The following RNF215 variants were observed in gnomAD, a reference collection of about 807,000 sequenced individuals.
RNF215 encodes ring finger protein 215.
In RNF215, 41 loss-of-function variants were observed where a neutral mutation model predicts 44.8. The ratio of observed to expected loss-of-function variants is 0.92; its 90% CI spans 0.71 to 1.19. The LOEUF is 1.19. Among genes scored for constraint, RNF215 ranks in the 50% most tolerant of loss-of-function variants. RNF215 has a pLI of 0.00. For synonymous variants in RNF215, 218 were observed against 230.1 expected, an observed-to-expected ratio of 0.95 and a Z score of 0.48; for missense variants, 452 against 496.2, an observed-to-expected ratio of 0.91 and a Z score of 0.85.
rs532579299 is a variant in RNF215 at position 30,386,822 on chromosome 22, A to T, written c.286-63T>A. Reference sequence around the variant, plus strand: ...TGTGGTGGGGGAGGGAGCCGGGGTCATCACAGTGGATGCCAAGGCCAGAGT... The same window carrying T: ...TGTGGTGGGGGAGGGAGCCGGGGTCTTCACAGTGGATGCCAAGGCCAGAGT... On this transcript the variant is annotated intron_variant, in intron 1 of 8. Transcript: ENST00000382363. The T allele has an allele frequency of 1.4e-4, 210 of 1,549,444 alleles. No homozygotes were observed. The Middle Eastern group carries it at 2.3e-3, about 17-fold the overall frequency.
chr22:30,384,172 C>T (rs148224423), intron 5 of RNF215, among the ~76,000 whole-genome samples, 167 bp downstream of exon 5: 7 of 152,314 alleles, frequency 4.6e-5, no homozygotes, highest in African/African-American at 7.2e-5. Flanking sequence ...CCCAACTGAG[C>T]GCCCACCTAC....
Position 30,385,947 on chromosome 22 carries a change from G to A in RNF215, c.544C>T (p.His182Tyr). Residue 182 changes from histidine (H) to tyrosine (Y), a missense_variant, in exon 4 of 9, where the codon CAT (histidine) becomes TAT (tyrosine). Coordinates refer to ENST00000382363, the MANE Select transcript of RNF215 (RefSeq NM_001017981.2). ...QLLLRPVIVL[H>Y]YSSNVTKLLD... ...AGCTTGGTGACATTGGAGGAATAATGGAGGACGATCACTGGCCTGAGCAGA... is the reference window on the plus strand; with the variant it reads ...AGCTTGGTGACATTGGAGGAATAATAGAGGACGATCACTGGCCTGAGCAGA... 6.2e-7 allele frequency: 1 copy of A among 1,614,192 alleles called. No homozygotes were observed.
At chr22:30,384,836 G>A in intron 4 of RNF215, 2 of 191,026 alleles carry the variant, frequency 1.0e-5, no homozygotes, top group Non-Finnish European at 2.2e-5. Flanking sequence ...TTTTGAGACA[G>A]GGTCTCCCTT....
chr22:30,387,152 C>CCGCCCCGCCCCGGCCGCCGGCT lies in RNF215; in HGVS notation c.140_161dup (p.Gly55AlafsTer82), dbSNP rs1313565111. 3 of 1,229,062 alleles carry CCGCCCCGCCCCGGCCGCCGGCT rather than the reference C, an allele frequency of 2.4e-6. No individual in the cohort carries two copies. Among genetic ancestry groups the CCGCCCCGCCCCGGCCGCCGGCT allele is most frequent in the Non-Finnish European group, 3.0e-6 (3 of 985,440 alleles). 76.1% of individuals were successfully genotyped at this position (1,229,062 alleles called of 1,614,324 possible). A position where few individuals can be genotyped will look rare whatever the true frequency, so the allele number is the denominator to read the frequency against. ...CCACCCGCACGGCGCGGGCTCCGCC[C>CCGCCCCGCCCCGGCCGCCGGCT]CGCCCCGCCCCGGCCGCCGGCTCGC... is the stretch of plus-strand genomic sequence containing the variant. On this transcript the variant is annotated frameshift_variant, in exon 1 of 9. Coordinates refer to ENST00000382363, the MANE Select transcript of RNF215 (RefSeq NM_001017981.2). LOFTEE classifies it high-confidence loss of function.
At chr22:30,381,306 T>C (rs1933526767) in intron 5 of RNF215, among the ~76,000 whole-genome samples, 2 of 152,070 alleles carry the variant, frequency 1.3e-5, no homozygotes, top group South Asian at 4.1e-4. Flanking sequence ...ACCCAGTACC[T>C]CCCACCATCT....
intron 5 of RNF215, among the ~76,000 whole-genome samples, 155 bp downstream of exon 5, chr22:30,384,184 C>T (rs1180262541): frequency 6.6e-6 from 1 of 152,196 alleles, no homozygotes; most frequent in Non-Finnish European, 1.5e-5. Context: ...CCCACCTACA[C>T]CATGTCTCTG....
At position 30,379,710 on chromosome 22, in the gene RNF215, C is replaced by A. The variant is rs749626884; in HGVS notation, c.1111+1G>T. ...CGAGGGACCCCACCCCTGGTGCTCA[C>A]CCAGGACGTTGAATTTGCACAGTGG... On this transcript the variant is annotated splice_donor_variant, in intron 8 of 8. Coordinates refer to ENST00000382363, the MANE Select transcript of RNF215 (RefSeq NM_001017981.2). LOFTEE classifies it high-confidence loss of function. The A allele has an allele frequency of 4.5e-6, 7 of 1,556,240 alleles. No homozygotes were observed. Among genetic ancestry groups the A allele is most frequent in the Non-Finnish European group, 5.2e-6 (6 of 1,149,778 alleles).
At chr22:30,385,796 A>T (rs2145987001) in intron 4 of RNF215, 108 bp downstream of exon 4, 2 of 981,060 alleles carry the variant, frequency 2.0e-6, no homozygotes, top group African/African-American at 3.3e-5. Context: ...AAAAAAAAAA[A>T]AAAAGGCTAA....
Position 30,384,513 on chromosome 22 carries a change from C to G in RNF215, c.588-18G>C. On this transcript the variant is annotated intron_variant, in intron 4 of 8. Transcript: ENST00000382363. Reference sequence around the variant, plus strand: ...GGGTCCTCCTGGGAGGGGAAGTCACCGGGGCCAGATGGAAGGACTCTTGGG... The same window carrying G: ...GGGTCCTCCTGGGAGGGGAAGTCACGGGGGCCAGATGGAAGGACTCTTGGG... 1 of 1,610,084 alleles carries G rather than the reference C, an allele frequency of 6.2e-7. No individual in the cohort carries two copies. Among genetic ancestry groups the G allele is most frequent in the Non-Finnish European group, 8.5e-7 (1 of 1,177,426 alleles).
chr22:30,379,765 CCA>C lies in RNF215; in HGVS notation c.1055_1056del (p.Val352GlyfsTer25), dbSNP rs1402969707. 2.5e-6 allele frequency: 4 copies of C among 1,570,152 alleles called. No individual in the cohort carries two copies. Among genetic ancestry groups the C allele is most frequent in the South Asian group, 1.2e-5 (1 of 85,400 alleles). ...PCKHEFHRDCVDPWLMLQQTC... is the reference protein window; with the variant it reads ...PCKHEFHRDCXDPWLMLQQTC... ...GTCTGCTGGAGCATCAGCCAGGGGT[CCA>C]CACAGTCTCGGTGAAACTCGTGCTT... On this transcript the variant is annotated frameshift_variant, in exon 8 of 9. Coordinates refer to ENST00000382363, the MANE Select transcript of RNF215 (RefSeq NM_001017981.2). LOFTEE classifies it high-confidence loss of function.
chr22:30,385,906 C>T lies in RNF215; in HGVS notation c.585G>A (p.Leu195=). The T allele has an allele frequency of 6.2e-7, 1 of 1,613,938 alleles. No homozygotes were observed. The part of the protein sequence containing the change: ...SNVTKLLDAL[L]QRTQATAEIT... Reference sequence around the variant, plus strand: ...TTGAAGTCTAAATACCAACTCACTGCAGCAATGCATCCAACAGCTTGGTGA... The same window carrying T: ...TTGAAGTCTAAATACCAACTCACTGTAGCAATGCATCCAACAGCTTGGTGA... Residue 195 remains leucine (L), a splice_region_variant and synonymous_variant, in exon 4 of 9, where the codon CTG becomes CTA. Coordinates refer to ENST00000382363, the MANE Select transcript of RNF215 (RefSeq NM_001017981.2).
chr22:30,383,000 A>G (rs5753110), intron 5 of RNF215, among the ~76,000 whole-genome samples: 30,729 of 151,968 alleles, frequency 0.2, 3,366 homozygotes, highest in Middle Eastern at 0.36. Flanking sequence ...TACTTGGGGG[A>G]CTGAGGTGGC....
At chr22:30,382,793 T>C (rs1312978007) in intron 5 of RNF215, among the ~76,000 whole-genome samples, 1 of 151,938 alleles carries the variant, frequency 6.6e-6, no homozygotes, top group African/African-American at 2.4e-5. Context: ...GAGCTTGCCA[T>C]CAGAGCAGTA....
chr22:30,381,383 G>A (rs1266708851), intron 5 of RNF215, among the ~76,000 whole-genome samples: 2 of 152,034 alleles, frequency 1.3e-5, no homozygotes, highest in Non-Finnish European at 2.9e-5. Context: ...GGGGGCCCCG[G>A]GCCCCTGGGC....
In RNF215 at chr22:30,384,481, G is replaced by T. The variant is rs767824470; in HGVS notation, c.602C>A (p.Thr201Lys). ...LDALLQRTQA[T>K]AEITSGESLS... ...GGACTCTCCGCTGGTGATCTCAGCCGTGGCCTGGGTCCTCCTGGGAGGGGA... is the reference window on the plus strand; with the variant it reads ...GGACTCTCCGCTGGTGATCTCAGCCTTGGCCTGGGTCCTCCTGGGAGGGGA... Residue 201 changes from threonine (T) to lysine (K), a missense_variant, in exon 5 of 9, where the codon ACG (threonine) becomes AAG (lysine). Physicochemically the swap from Thr to Lys is moderately conservative, Grantham distance 78. Transcript: ENST00000382363. 5 of 1,613,564 alleles carry T rather than the reference G, an allele frequency of 3.1e-6. 1 individual carries two copies. In the African/African-American group the frequency reaches 6.7e-5, roughly 22 times the overall value.
In RNF215 at chr22:30,386,766, G is replaced by C. The variant is rs762299823; in HGVS notation, c.286-7C>G. The C allele has an allele frequency of 1.2e-6, 2 of 1,601,808 alleles. No individual in the cohort carries two copies. The highest frequency in any genetic ancestry group is 1.7e-6 in the Non-Finnish European group (2 of 1,179,236). On this transcript the variant is annotated splice_region_variant and splice_polypyrimidine_tract_variant and intron_variant, in intron 1 of 8. Transcript: ENST00000382363. ...CGGCATCCACGATGTCCATCTGTGT[G>C]GCAAGGGGCCATGAGCAGAGGGAGG...
intron 5 of RNF215, among the ~76,000 whole-genome samples, chr22:30,381,166 GC>G (rs1182812913): frequency 3.9e-5 from 6 of 151,994 alleles, no homozygotes; most frequent in African/African-American, 1.4e-4. Context: ...GGGTGAATGC[GC>G]CCCCCTAACC....
intron 5 of RNF215, among the ~76,000 whole-genome samples, chr22:30,381,845 A>G (rs1933533689): frequency 6.6e-6 from 1 of 152,130 alleles, no homozygotes; most frequent in East Asian, 1.9e-4. Flanking sequence ...TCTCTCCTCC[A>G]GCTGCAGCTG....
At position 30,378,944 on chromosome 22, in the gene RNF215, C is replaced by T. The variant is rs1276737819; in HGVS notation, c.*656G>A. On this transcript the variant is annotated 3_prime_UTR_variant, in exon 9 of 9. Coordinates refer to ENST00000382363, the MANE Select transcript of RNF215 (RefSeq NM_001017981.2). ...AGGCACCACATTGATCCTGTGGCTTCGAGTATCCCGGTCAGCAACACAAAG... is the reference window on the plus strand; with the variant it reads ...AGGCACCACATTGATCCTGTGGCTTTGAGTATCCCGGTCAGCAACACAAAG... 7 of 149,914 alleles carry T rather than the reference C, an allele frequency of 4.7e-5. No individual in the cohort carries two copies. The highest frequency in any genetic ancestry group is 1.0e-4 in the Non-Finnish European group (7 of 67,818). 9.3% of individuals were successfully genotyped at this position (149,914 alleles called of 1,614,324 possible).
Sources: allele counts gnomAD v4.1 joint callset (sites outside exome capture counted in the v4.1 genomes callset), GRCh38; gene constraint gnomAD v4.1.1; transcripts MANE v1.5; gene names NCBI Gene and HGNC (gene_info 2026-07-23, HGNC 2026-07-21).